The following CCDC69 variants were observed in gnomAD, a reference collection of about 807,000 sequenced individuals.
CCDC69 encodes coiled-coil domain-containing protein 69.
CCDC69 carries 38 observed loss-of-function variants against 40.3 expected under a neutral mutation model. That is an observed-to-expected ratio of 0.94 (90% CI 0.73 to 1.24). CCDC69 has a LOEUF of 1.24. CCDC69 is among the 50% of genes most tolerant of loss of function. CCDC69 has a pLI of 0.00. For synonymous variants in CCDC69, 141 were observed against 138.9 expected (o/e 1.02, Z -0.11); for missense variants, 389 against 357.9 (o/e 1.09, Z -0.70).
intron 4 of CCDC69, among the ~76,000 whole-genome samples, chr5:151,195,140 C>A (rs1272581777): frequency 6.6e-6 from 1 of 152,148 alleles, no homozygotes; most frequent in East Asian, 1.9e-4. Context: ...TTATGTAGCA[C>A]TTAGTATGTG....
At chr5:151,183,711 G>T in intron 8 of CCDC69, 97 bp from the exon 9 acceptor site, 1 of 1,092,244 alleles carries the variant, frequency 9.2e-7, no homozygotes, top group Non-Finnish European at 1.3e-6. Flanking sequence ...TGGACCAGCA[G>T]CCTGCTGCAG....
chr5:151,194,191 C>T (rs1752662292), intron 4 of CCDC69, among the ~76,000 whole-genome samples: 1 of 152,164 alleles, frequency 6.6e-6, no homozygotes, highest in Non-Finnish European at 1.5e-5. Context: ...ATGACCTATC[C>T]CACTCCTGTG....
intron 1 of CCDC69, among the ~76,000 whole-genome samples, chr5:151,223,545 A>C (rs574246305): frequency 6.6e-6 from 1 of 152,350 alleles, no homozygotes; most frequent in Admixed American, 6.5e-5. Context: ...ATCAGCCTTT[A>C]ACCCCCGGGG....
At chr5:151,205,960 C>G (rs6884144) in intron 1 of CCDC69, among the ~76,000 whole-genome samples, 5,418 of 152,216 alleles carry the variant, frequency 0.036, 300 homozygotes, top group African/African-American at 0.12. Context: ...AAGAAGACTT[C>G]TGTGTGTGTG....
rs116704403 is a variant in CCDC69 at position 151,203,073 on chromosome 5, G to A, written c.125-1385C>T. 2.9e-3 allele frequency among the ~76,000 whole-genome samples: 448 copies of A among 152,192 alleles called. 1 individual carries two copies. Among genetic ancestry groups the A allele is most frequent in the Non-Finnish European group, 4.9e-3 (331 of 68,000 alleles). On this transcript the variant is annotated intron_variant, in intron 2 of 8. Coordinates refer to ENST00000355417, the MANE Select transcript of CCDC69 (RefSeq NM_015621.3). Reference sequence around the variant, plus strand: ...ATATTATTACCCCCATGCTACAGACGAGGAAGCTGAGGCTCAGAGGAGTCA... The same window carrying A: ...ATATTATTACCCCCATGCTACAGACAAGGAAGCTGAGGCTCAGAGGAGTCA...
intron 4 of CCDC69, among the ~76,000 whole-genome samples, chr5:151,188,934 G>T (rs1397017579): frequency 6.6e-6 from 1 of 152,132 alleles, no homozygotes; most frequent in Non-Finnish European, 1.5e-5. Flanking sequence ...ACCAGAATTT[G>T]AAGTACCACT....
chr5:151,218,008 A>C (rs537414944), intron 1 of CCDC69, among the ~76,000 whole-genome samples: 1 of 152,212 alleles, frequency 6.6e-6, no homozygotes, highest in Admixed American at 6.5e-5. Flanking sequence ...TCCATTGCAG[A>C]GAGGAGGAAA....
intron 5 of CCDC69, among the ~76,000 whole-genome samples, chr5:151,187,048 G>T (rs903860162): frequency 5.9e-5 from 9 of 152,024 alleles, no homozygotes; most frequent in Non-Finnish European, 1.2e-4. Flanking sequence ...AATCTTTCCT[G>T]CACAGCCACA....
chr5:151,201,825 G>A, intron 2 of CCDC69, 137 bp from the exon 3 acceptor site: 1 of 536,958 alleles, frequency 1.9e-6, no homozygotes, highest in Admixed American at 3.5e-5. Flanking sequence ...GATTTCGGGT[G>A]GGACCAGTCT....
At chr5:151,211,293 T>G (rs989430848) in intron 1 of CCDC69, 10 of 152,288 alleles carry the variant, frequency 6.6e-5, no homozygotes, top group African/African-American at 2.2e-4. Flanking sequence ...AGTATCTACA[T>G]CTGGTTAGCT....
chr5:151,192,238 T>C (rs903628478), intron 4 of CCDC69, among the ~76,000 whole-genome samples: 5 of 149,768 alleles, frequency 3.3e-5, no homozygotes, highest in African/African-American at 9.9e-5. Flanking sequence ...GGGAAATCAA[T>C]GAAACCAAAA....
intron 1 of CCDC69, among the ~76,000 whole-genome samples, chr5:151,223,320 C>A (rs539419352): frequency 1.4e-4 from 22 of 152,350 alleles, no homozygotes; most frequent in African/African-American, 5.1e-4. Flanking sequence ...TCCCAGCTAC[C>A]CCAAGGGCAG....
intron 7 of CCDC69, 198 bp downstream of exon 7, chr5:151,185,224 C>T: frequency 1.8e-6 from 1 of 544,864 alleles, no homozygotes; most frequent in East Asian, 3.4e-5. Context: ...AGGCACAGGA[C>T]TCAGATGATA....
chr5:151,188,099 A>G (rs1361394304), intron 4 of CCDC69, among the ~76,000 whole-genome samples: 1 of 152,226 alleles, frequency 6.6e-6, no homozygotes, highest in Non-Finnish European at 1.5e-5. Flanking sequence ...GGTGCTGTAC[A>G]CAGCTGAAAT....
intron 4 of CCDC69, among the ~76,000 whole-genome samples, chr5:151,197,280 C>G (rs1479965796): frequency 1.3e-5 from 2 of 152,188 alleles, no homozygotes; most frequent in African/African-American, 4.8e-5. Context: ...GTAATCCCAG[C>G]ACTTTGGGAG....
chr5:151,187,325 T>C lies in CCDC69; in HGVS notation c.393+61A>G, dbSNP rs78512767. ...TTTTGGCTGCCTTGGGGCTCCATGCTGCTTTCCCATTGGTCCTCACTTACC... is the reference window on the plus strand; with the variant it reads ...TTTTGGCTGCCTTGGGGCTCCATGCCGCTTTCCCATTGGTCCTCACTTACC... On this transcript the variant is annotated intron_variant, in intron 5 of 8. Coordinates refer to ENST00000355417, the MANE Select transcript of CCDC69 (RefSeq NM_015621.3). The C allele has an allele frequency of 1.3e-3, 2,006 of 1,494,492 alleles. 2 individuals carry two copies. Among genetic ancestry groups the C allele is most frequent in the Middle Eastern group, 4.6e-3 (22 of 4,798 alleles). 92.6% of individuals were successfully genotyped at this position (1,494,492 alleles called of 1,614,324 possible).
At chr5:151,223,861 G>T in intron 1 of CCDC69, 62 bp downstream of exon 1, 1 of 1,526,610 alleles carries the variant, frequency 6.6e-7, no homozygotes, top group Non-Finnish European at 8.9e-7. Context: ...AGTCCTCTGC[G>T]GCGGAGCGAT....
rs554914207 is a variant in CCDC69 at position 151,199,883 on chromosome 5, G to A, written c.232-799C>T. On this transcript the variant is annotated intron_variant, in intron 3 of 8. Transcript: ENST00000355417. Reference sequence around the variant, plus strand: ...TTAACTTACCTTTCATAAAAGGTGTGTTTCTGAAAAATGCGTCTAAGCTAA... The same window carrying A: ...TTAACTTACCTTTCATAAAAGGTGTATTTCTGAAAAATGCGTCTAAGCTAA... 3.3e-5 allele frequency among the ~76,000 whole-genome samples: 5 copies of A among 152,296 alleles called. No homozygotes were observed. In the East Asian group the frequency reaches 9.7e-4, roughly 29 times the overall value.
At chr5:151,217,958 G>A (rs1401058349) in intron 1 of CCDC69, among the ~76,000 whole-genome samples, 3 of 151,720 alleles carry the variant, frequency 2.0e-5, no homozygotes, top group African/African-American at 7.3e-5. Flanking sequence ...AAATGGCGAG[G>A]AAAGCCACAA....
Sources: allele counts gnomAD v4.1 joint callset (sites outside exome capture counted in the v4.1 genomes callset), GRCh38; gene constraint gnomAD v4.1.1; transcripts MANE v1.5; gene names NCBI Gene and HGNC (gene_info 2026-07-23, HGNC 2026-07-21).